The following SLC22A15 variants were observed in gnomAD, a reference collection of about 807,000 sequenced individuals.
SLC22A15 encodes flipt 1.
A neutral mutation model predicts 62.7 loss-of-function variants in SLC22A15; 45 were observed. The observed-to-expected ratio is 0.72, with a 90% CI of 0.56 to 0.92. The LOEUF is 0.92. SLC22A15 is among the 40% of genes least tolerant of loss of function. The pLI is 0.00. For missense variants in SLC22A15, 622 were observed against 665.6 expected (o/e 0.93, Z 0.72); for synonymous variants, 264 against 267.0 (o/e 0.99, Z 0.11).
rs150103580 is a variant in SLC22A15 at position 116,038,424 on chromosome 1, C to A, written c.1171+1036C>A. 1.7e-3 allele frequency among the ~76,000 whole-genome samples: 253 copies of A among 152,312 alleles called. 3 individuals carry two copies. Among genetic ancestry groups the A allele is most frequent in the East Asian group, 0.01 (53 of 5,192 alleles). ...GTGTTCTCCCTGTTTTATAACCCTCCAGTATATCTACTCTGCTGTTGATTG... is the reference window on the plus strand; with the variant it reads ...GTGTTCTCCCTGTTTTATAACCCTCAAGTATATCTACTCTGCTGTTGATTG... On this transcript the variant is annotated intron_variant, in intron 8 of 11. Coordinates refer to ENST00000369503, the MANE Select transcript of SLC22A15 (RefSeq NM_018420.3).
chr1:116,024,763 A>G (rs889975757), intron 4 of SLC22A15, among the ~76,000 whole-genome samples: 1 of 152,166 alleles, frequency 6.6e-6, no homozygotes, highest in African/African-American at 2.4e-5. Context: ...AGTCACAGAC[A>G]GGGCCCAGCA....
At chr1:116,021,994 A>T (rs536873792) in intron 4 of SLC22A15, among the ~76,000 whole-genome samples, 1 of 152,284 alleles carries the variant, frequency 6.6e-6, no homozygotes, top group East Asian at 1.9e-4. Flanking sequence ...TTTGAAGTGT[A>T]TGGGCTATTG....
At chr1:115,994,177 C>T (rs1557875243) in intron 2 of SLC22A15, among the ~76,000 whole-genome samples, 3 of 151,750 alleles carry the variant, frequency 2.0e-5, no homozygotes. Context: ...AACCACCAGC[C>T]CCACCACCAC....
chr1:116,066,798 A>G, intron 11 of SLC22A15, 90 bp downstream of exon 11: 2 of 1,297,766 alleles, frequency 1.5e-6, no homozygotes, highest in Non-Finnish European at 2.1e-6. Context: ...AGAACTGAGT[A>G]AAACTGCTGG....
intron 4 of SLC22A15, among the ~76,000 whole-genome samples, chr1:116,025,283 G>C (rs767657604): frequency 2.6e-5 from 4 of 152,168 alleles, no homozygotes; most frequent in Non-Finnish European, 2.9e-5. Flanking sequence ...AGCAATGATA[G>C]ACAAGAAGTC....
rs553129994 is a variant in SLC22A15 at position 116,022,316 on chromosome 1, T to C, written c.598+1431T>C. Among the ~76,000 whole-genome samples the C allele has an allele frequency of 5.3e-5, 8 of 152,298 alleles. No homozygotes were observed. In the East Asian group the frequency reaches 1.4e-3, roughly 26 times the overall value. ...TTTAGGGTCATTTTTCTGAATAGTA[T>C]GGCCAATTTCCTGGGACTTTCTAAG... On this transcript the variant is annotated intron_variant, in intron 4 of 11. Transcript: ENST00000369503.
intron 4 of SLC22A15, among the ~76,000 whole-genome samples, chr1:116,022,651 T>G (rs893662570): frequency 1.3e-5 from 2 of 152,228 alleles, no homozygotes; most frequent in Admixed American, 1.3e-4. Context: ...GCTCTCTTGC[T>G]AGTTGCCTAA....
chr1:115,998,782 ATTTC>A (rs1261910369), intron 2 of SLC22A15, among the ~76,000 whole-genome samples: 3 of 151,182 alleles, frequency 2.0e-5, no homozygotes, highest in Non-Finnish European at 4.4e-5. Context: ...AATTTCATTT[ATTTC>A]TTCTCTCATC....
At chr1:116,050,705 A>G (rs1373431195) in intron 8 of SLC22A15, among the ~76,000 whole-genome samples, 1 of 152,184 alleles carries the variant, frequency 6.6e-6, no homozygotes, top group African/African-American at 2.4e-5. Context: ...TCGACATAGT[A>G]CTGGAAGTCC....
chr1:116,041,886 T>TCA (rs1483958820), intron 8 of SLC22A15, among the ~76,000 whole-genome samples: 4 of 152,164 alleles, frequency 2.6e-5, no homozygotes, highest in Admixed American at 2.6e-4. Context: ...TTCAGCCAGT[T>TCA]GCAGAGCATT....
At chr1:115,993,509 T>G (rs758115998) in intron 2 of SLC22A15, among the ~76,000 whole-genome samples, 1 of 151,802 alleles carries the variant, frequency 6.6e-6, no homozygotes, top group South Asian at 2.1e-4. Context: ...CTAGCCAGCC[T>G]TACCTGTTGC....
At chr1:116,000,247 G>A (rs541600638) in intron 2 of SLC22A15, among the ~76,000 whole-genome samples, 26 of 151,838 alleles carry the variant, frequency 1.7e-4, no homozygotes, top group East Asian at 1.2e-3. Flanking sequence ...GAAATTTTTC[G>A]TGTATCTGTT....
intron 1 of SLC22A15, among the ~76,000 whole-genome samples, chr1:115,980,364 G>A (rs955315409): frequency 2.6e-5 from 4 of 152,100 alleles, no homozygotes; most frequent in Admixed American, 6.6e-5. Flanking sequence ...CCTTGAGCAC[G>A]TGCATAGGGA....
chr1:116,023,311 T>C (rs1342468930), intron 4 of SLC22A15, among the ~76,000 whole-genome samples: 5 of 152,144 alleles, frequency 3.3e-5, no homozygotes, highest in Non-Finnish European at 7.4e-5. Context: ...AAACAAAAAA[T>C]ACTGAAGCTG....
chr1:116,067,213 C>T lies in SLC22A15; in HGVS notation c.*105C>T. ...GAGAGTTGTAAAAATAGAGGCTTGG[C>T]TTGAATGTACATAGATGGTACCTGG... On this transcript the variant is annotated 3_prime_UTR_variant, in exon 12 of 12. Coordinates refer to ENST00000369503, the MANE Select transcript of SLC22A15 (RefSeq NM_018420.3). The T allele has an allele frequency of 1.2e-6, 1 of 825,660 alleles. No homozygotes were observed. The highest frequency in any genetic ancestry group is 1.5e-5 in the South Asian group (1 of 64,622). 51.1% of individuals were successfully genotyped at this position (825,660 alleles called of 1,614,324 possible).
At chr1:116,009,241 G>A (rs1354916311) in intron 2 of SLC22A15, among the ~76,000 whole-genome samples, 1 of 152,024 alleles carries the variant, frequency 6.6e-6, no homozygotes, top group Non-Finnish European at 1.5e-5. Flanking sequence ...AGAATCTCTT[G>A]TTTTTCCTGA....
intron 8 of SLC22A15, among the ~76,000 whole-genome samples, chr1:116,059,048 C>T (rs1658306166): frequency 6.6e-6 from 1 of 152,054 alleles, no homozygotes; most frequent in African/African-American, 2.4e-5. Context: ...TCATAAATCA[C>T]CACTAAAGAA....
chr1:116,017,136 A>G (rs529168183), intron 2 of SLC22A15, among the ~76,000 whole-genome samples: 57 of 152,212 alleles, frequency 3.7e-4, no homozygotes, highest in African/African-American at 1.1e-3. Context: ...GGCCATTGCA[A>G]TTATTTTCCC....
intron 8 of SLC22A15, among the ~76,000 whole-genome samples, chr1:116,048,662 C>A (rs1280859721): frequency 6.6e-6 from 1 of 152,064 alleles, no homozygotes; most frequent in Non-Finnish European, 1.5e-5. Flanking sequence ...ACCTATAAAA[C>A]AAAATACGAG....
Sources: gnomAD v4.1 joint callset for allele counts (sites outside exome capture counted in the v4.1 genomes callset) on GRCh38, gnomAD v4.1.1 for gene constraint, MANE v1.5 for transcripts, NCBI Gene and HGNC (gene_info 2026-07-23, HGNC 2026-07-21) for gene names.